EIF4EBP2: variants seen among roughly 807,000 people sequenced by gnomAD.
The protein encoded by EIF4EBP2 is eukaryotic translation initiation factor 4E binding protein 2.
Under a neutral mutation model 10.3 loss-of-function variants are expected in EIF4EBP2, and 5 were observed. That is an observed-to-expected ratio of 0.48 (90% CI 0.25 to 1.02). The LOEUF (loss-of-function observed/expected upper bound fraction) is 1.02. EIF4EBP2 is among the 50% of genes least tolerant of loss of function. The probability of loss-of-function intolerance (pLI) is 0.15; values close to 1 mark genes in which losing one functional copy is unlikely to be tolerated. For synonymous variants in EIF4EBP2, 67 were observed against 61.1 expected (o/e 1.10, Z -0.45); for missense variants, 188 against 162.2 (o/e 1.16, Z -0.86).
In EIF4EBP2 at chr10:70,424,062, A is replaced by G. The variant is rs1354399454; in HGVS notation, c.*2315A>G. 1 of 152,144 alleles carries G rather than the reference A, an allele frequency of 6.6e-6. No individual in the cohort carries two copies. The highest frequency in any genetic ancestry group is 2.4e-5 in the African/African-American group (1 of 41,426). 9.4% of individuals were successfully genotyped at this position (152,144 alleles called of 1,614,324 possible). On this transcript the variant is annotated 3_prime_UTR_variant, in exon 3 of 3. Transcript: ENST00000373218. The stretch of plus-strand genomic sequence containing the variant: ...TTGGCATCCTGTGGAATTTGACCCA[A>G]CTAGCAGCTAGTCAGTCTGTCAGTG...
rs569599646 is a variant in EIF4EBP2 at position 70,408,249 on chromosome 10, C to A, written c.145+3703C>A. On this transcript the variant is annotated intron_variant, in intron 1 of 2. Coordinates refer to ENST00000373218, the MANE Select transcript of EIF4EBP2 (RefSeq NM_004096.5). Reference sequence around the variant, plus strand: ...TTCCTGGACGGGGCGGCTGGCCGGGCACAGGGTCTCCTCACTTCCCAGTAG... The same window carrying A: ...TTCCTGGACGGGGCGGCTGGCCGGGAACAGGGTCTCCTCACTTCCCAGTAG... 4.9e-3 allele frequency among the ~76,000 whole-genome samples: 734 copies of A among 150,594 alleles called. 15 individuals are homozygous for A. The highest frequency in any genetic ancestry group is 8.7e-3 in the Non-Finnish European group (584 of 67,388).
Position 70,404,542 on chromosome 10 carries a change from G to GGGAGGT in EIF4EBP2, c.143_145+3dup, listed in dbSNP as rs781442576. The GGGAGGT allele has an allele frequency of 8.9e-6, 14 of 1,571,598 alleles. No homozygotes were observed. In the East Asian group the frequency reaches 3.5e-4, roughly 40 times the overall value. ...GGGGGACGCTCTTCTCCACCACACC[G>GGGAGGT]GGAGGTGAGCGCCGGCCAGCCGTCC... On this transcript the variant is annotated inframe_insertion, in exon 1 of 3. Coordinates refer to ENST00000373218, the MANE Select transcript of EIF4EBP2 (RefSeq NM_004096.5).
intron 1 of EIF4EBP2, among the ~76,000 whole-genome samples, chr10:70,412,184 C>T (rs1297059099): frequency 3.3e-5 from 5 of 152,106 alleles, no homozygotes; most frequent in Non-Finnish European, 7.4e-5. Context: ...CGGAGAAAGT[C>T]CCAGGAGGAA....
chr10:70,417,415 T>A (rs921210034), intron 1 of EIF4EBP2, among the ~76,000 whole-genome samples: 2 of 152,104 alleles, frequency 1.3e-5, no homozygotes, highest in Non-Finnish European at 2.9e-5. Context: ...TAAAATTGAT[T>A]ATGGTGATGA....
intron 2 of EIF4EBP2, among the ~76,000 whole-genome samples, 194 bp downstream of exon 2, chr10:70,420,293 G>A (rs1415814932): frequency 2.0e-5 from 3 of 152,188 alleles, no homozygotes; most frequent in Non-Finnish European, 4.4e-5. Flanking sequence ...TCCGCCTCCT[G>A]GGTTCAAGCG....
chr10:70,411,446 G>A (rs1403318485), intron 1 of EIF4EBP2, among the ~76,000 whole-genome samples: 2 of 151,356 alleles, frequency 1.3e-5, no homozygotes, highest in South Asian at 2.1e-4. Flanking sequence ...AGTTGTAAAA[G>A]TCATATAGTC....
intron 1 of EIF4EBP2, among the ~76,000 whole-genome samples, chr10:70,412,412 TC>T (rs1403208009): frequency 6.6e-6 from 1 of 151,758 alleles, no homozygotes; most frequent in East Asian, 1.9e-4. Flanking sequence ...GGGTGGGGGC[TC>T]CCTGTAAAAA....
At chr10:70,412,311 C>A (rs1564661368) in intron 1 of EIF4EBP2, among the ~76,000 whole-genome samples, 1 of 144,882 alleles carries the variant, frequency 6.9e-6, no homozygotes, top group Non-Finnish European at 1.5e-5. Context: ...TTTCGTTCTC[C>A]AGGCTGTCTA....
At position 70,405,775 on chromosome 10, in the gene EIF4EBP2, AGGAG is replaced by A. The variant is rs151302076; in HGVS notation, c.145+1234_145+1237del. On this transcript the variant is annotated intron_variant, in intron 1 of 2. Transcript: ENST00000373218. ...TTGCCAACACCAAGGGATAAAATCT[AGGAG>A]GGAGCTTTACAGAGAAATTCAGCCA... Among the ~76,000 whole-genome samples the A allele has an allele frequency of 9.1e-3, 1,389 of 152,278 alleles. 15 individuals carry two copies. The highest frequency in any genetic ancestry group is 0.032 in the African/African-American group (1,336 of 41,548).
chr10:70,404,337 A>G lies in EIF4EBP2; in HGVS notation c.-65A>G, dbSNP rs1039111380. The G allele has an allele frequency of 2.5e-5, 37 of 1,469,712 alleles. No homozygotes were observed. Among genetic ancestry groups the G allele is most frequent in the Admixed American group, 1.8e-4 (7 of 38,580 alleles). 91.0% of individuals were successfully genotyped at this position (1,469,712 alleles called of 1,614,324 possible). ...CTTTTCCGTCCGCCTGAGGAGCCGA[A>G]GCAGCCCCGGCCCCGCCGCCGCCGC... On this transcript the variant is annotated 5_prime_UTR_variant, in exon 1 of 3. Transcript: ENST00000373218.
intron 1 of EIF4EBP2, among the ~76,000 whole-genome samples, chr10:70,412,182 G>A (rs1161320379): frequency 2.0e-5 from 3 of 152,154 alleles, no homozygotes; most frequent in African/African-American, 7.2e-5. Context: ...AACGGAGAAA[G>A]TCCCAGGAGG....
chr10:70,419,246 C>T (rs947872709), intron 1 of EIF4EBP2, among the ~76,000 whole-genome samples: 8 of 152,184 alleles, frequency 5.3e-5, no homozygotes, highest in African/African-American at 1.9e-4. Flanking sequence ...CATTTGTAAG[C>T]AGCACGTTTC....
chr10:70,420,188 C>T (rs1273023058), intron 2 of EIF4EBP2, 89 bp downstream of exon 2: 4 of 1,366,630 alleles, frequency 2.9e-6, no homozygotes, highest in South Asian at 1.5e-5. Flanking sequence ...ATTGATTCTT[C>T]AGTTTTGTTT....
intron 2 of EIF4EBP2, among the ~76,000 whole-genome samples, chr10:70,420,612 T>C (rs1265500060): frequency 6.6e-6 from 1 of 152,178 alleles, no homozygotes; most frequent in African/African-American, 2.4e-5. Context: ...ATAAATCTGA[T>C]GTAGTTGGTG....
At chr10:70,418,045 T>A (rs754936087) in intron 1 of EIF4EBP2, among the ~76,000 whole-genome samples, 1 of 152,204 alleles carries the variant, frequency 6.6e-6, no homozygotes, top group Admixed American at 6.5e-5. Flanking sequence ...AAAATTCTTA[T>A]GTTGAAACCT....
chr10:70,419,480 C>T (rs1384727216), intron 1 of EIF4EBP2, among the ~76,000 whole-genome samples: 1 of 151,618 alleles, frequency 6.6e-6, no homozygotes, highest in Non-Finnish European at 1.5e-5. Context: ...TCATTTAAAA[C>T]TTTTTTTTTC....
At chr10:70,408,216 C>G in intron 1 of EIF4EBP2, among the ~76,000 whole-genome samples, 1 of 148,726 alleles carries the variant, frequency 6.7e-6, no homozygotes, top group South Asian at 2.1e-4. Flanking sequence ...GCTGACCCCC[C>G]CACCTCCTTC....
intron 1 of EIF4EBP2, among the ~76,000 whole-genome samples, chr10:70,417,734 A>G (rs753073881): frequency 8.5e-5 from 13 of 152,182 alleles, no homozygotes; most frequent in Non-Finnish European, 1.5e-4. Flanking sequence ...TTGATGTACT[A>G]CAGAAGTAAG....
In EIF4EBP2 at chr10:70,404,515, CG is replaced by C; in HGVS notation, c.120del (p.Thr41ArgfsTer47). 3.8e-6 allele frequency: 6 copies of C among 1,590,390 alleles called. No individual in the cohort carries two copies. The highest frequency in any genetic ancestry group is 1.4e-5 in the African/African-American group (1 of 71,676). On this transcript the variant is annotated frameshift_variant, in exon 1 of 3. Coordinates refer to ENST00000373218, the MANE Select transcript of EIF4EBP2 (RefSeq NM_004096.5). LOFTEE classifies it high-confidence loss of function. ...QLPHDYCTTP[G>X]GTLFSTTPGG... ...TACCTCATGACTATTGCACCACGCC[CG>C]GGGGGACGCTCTTCTCCACCACACC...
Sources: allele counts gnomAD v4.1 joint callset (sites outside exome capture counted in the v4.1 genomes callset), GRCh38; gene constraint gnomAD v4.1.1; transcripts MANE v1.5; gene names NCBI Gene and HGNC (gene_info 2026-07-23, HGNC 2026-07-21).